The following ZMAT4 variants were observed in gnomAD, a reference collection of about 807,000 sequenced individuals.
The protein encoded by ZMAT4 is zinc finger matrin-type protein 4.
In ZMAT4, 17 loss-of-function variants were observed where a neutral mutation model predicts 28.7. The observed-to-expected ratio is 0.59, with a 90% CI of 0.41 to 0.89. The LOEUF is 0.89. Among genes scored for constraint, ZMAT4 ranks in the 40% least tolerant of loss-of-function variants. The pLI, the probability that ZMAT4 is intolerant of heterozygous loss-of-function variation, is 0.00. For synonymous variants in ZMAT4, 117 were observed against 109.2 expected (o/e 1.07, Z -0.44); for missense variants, 240 against 283.8 (o/e 0.85, Z 1.11).
At chr8:40,755,668 G>A (rs1457769810) in intron 3 of ZMAT4, among the ~76,000 whole-genome samples, 1 of 152,064 alleles carries the variant, frequency 6.6e-6, no homozygotes, top group Non-Finnish European at 1.5e-5. Flanking sequence ...GTCCACTCTG[G>A]TCTCAAACAC....
At chr8:40,603,970 T>G (rs532961351) in intron 5 of ZMAT4, among the ~76,000 whole-genome samples, 29 of 152,306 alleles carry the variant, frequency 1.9e-4, no homozygotes, top group Admixed American at 3.9e-4. Flanking sequence ...TTTAATTAAT[T>G]TTTTTGCAGC....
intron 1 of ZMAT4, among the ~76,000 whole-genome samples, chr8:40,869,714 A>G (rs887413221): frequency 6.6e-6 from 1 of 152,206 alleles, no homozygotes; most frequent in Non-Finnish European, 1.5e-5. Context: ...TCCTCGAACA[A>G]TACCCAGTGT....
intron 5 of ZMAT4, among the ~76,000 whole-genome samples, chr8:40,594,314 A>G (rs1179934025): frequency 1.8e-4 from 28 of 152,244 alleles, no homozygotes; most frequent in Admixed American, 1.8e-3. Context: ...CTCACAAATT[A>G]TAGATAAGAG....
intron 4 of ZMAT4, among the ~76,000 whole-genome samples, chr8:40,678,155 T>C (rs1345818198): frequency 1.3e-5 from 2 of 152,182 alleles, no homozygotes. Context: ...CTTTCTTAGA[T>C]CTTCACATAA....
chr8:40,541,894 A>G (rs971878090), intron 6 of ZMAT4, among the ~76,000 whole-genome samples: 3 of 152,196 alleles, frequency 2.0e-5, no homozygotes, highest in African/African-American at 4.8e-5. Context: ...CATTCTGTGA[A>G]AATCTAGAGT....
chr8:40,647,194 G>A (rs1807364235), intron 5 of ZMAT4, among the ~76,000 whole-genome samples: 1 of 152,212 alleles, frequency 6.6e-6, no homozygotes, highest in Admixed American at 6.5e-5. Context: ...GTGCCAGACA[G>A]TGGGCGCAGG....
intron 6 of ZMAT4, among the ~76,000 whole-genome samples, chr8:40,538,455 C>G (rs1585656695): frequency 1.3e-5 from 2 of 152,306 alleles, no homozygotes; most frequent in South Asian, 4.1e-4. Flanking sequence ...ACACCCCGAC[C>G]ACCTTAAGCA....
rs188127431 is a variant in ZMAT4 at position 40,578,241 on chromosome 8, G to A, written c.674+2924C>T. Among the ~76,000 whole-genome samples, 29 of 152,112 alleles carry A rather than the reference G, an allele frequency of 1.9e-4. 1 individual carries two copies. The highest frequency in any genetic ancestry group is 9.7e-4 in the East Asian group (5 of 5,180). On this transcript the variant is annotated intron_variant, in intron 6 of 6. Transcript: ENST00000297737. ...ACGTACACATGTATGTAAATCACCT[G>A]ATTTACAAAAAATGTCTATGATGGT...
chr8:40,703,594 G>A (rs1402390617), intron 3 of ZMAT4, among the ~76,000 whole-genome samples: 1 of 152,214 alleles, frequency 6.6e-6, no homozygotes, highest in African/African-American at 2.4e-5. Flanking sequence ...GGAGCAGGGA[G>A]GAGGGAGATG....
intron 5 of ZMAT4, among the ~76,000 whole-genome samples, chr8:40,585,388 A>G (rs532742376): frequency 1.2e-4 from 19 of 152,246 alleles, no homozygotes; most frequent in Middle Eastern, 3.4e-3. Context: ...TCCAGTGATC[A>G]TGATAAAATC....
intron 1 of ZMAT4, among the ~76,000 whole-genome samples, chr8:40,871,277 T>A (rs1042480411): frequency 1.3e-5 from 2 of 152,140 alleles, no homozygotes; most frequent in Non-Finnish European, 2.9e-5. Flanking sequence ...ATTCTATGAG[T>A]GCACAATGTC....
At chr8:40,869,382 GT>G (rs1179148776) in intron 1 of ZMAT4, among the ~76,000 whole-genome samples, 2 of 152,054 alleles carry the variant, frequency 1.3e-5, no homozygotes, top group Non-Finnish European at 2.9e-5. Flanking sequence ...TTTTGTTTTT[GT>G]TTTTTGCCCA....
chr8:40,764,624 C>G (rs1283647777), intron 3 of ZMAT4, among the ~76,000 whole-genome samples: 1 of 152,098 alleles, frequency 6.6e-6, no homozygotes, highest in Non-Finnish European at 1.5e-5. Flanking sequence ...GGGATGCAAA[C>G]CTCTCACAGC....
At chr8:40,815,069 G>T (rs1276589871) in intron 2 of ZMAT4, among the ~76,000 whole-genome samples, 1 of 152,136 alleles carries the variant, frequency 6.6e-6, no homozygotes, top group Admixed American at 6.5e-5. Flanking sequence ...GAGGTCAGGA[G>T]TTCAAAACCA....
At position 40,530,808 on chromosome 8, in the gene ZMAT4, G is replaced by A. The variant is rs528026161; in HGVS notation, c.*1415C>T. 1 of 152,746 alleles carries A rather than the reference G, an allele frequency of 6.5e-6. No homozygotes were observed. Among genetic ancestry groups the A allele is most frequent in the African/African-American group, 2.4e-5 (1 of 41,556 alleles). 9.5% of individuals were successfully genotyped at this position (152,746 alleles called of 1,614,324 possible). A position where few individuals can be genotyped will look rare whatever the true frequency, so the allele number is the denominator to read the frequency against. On this transcript the variant is annotated 3_prime_UTR_variant, in exon 7 of 7. Transcript: ENST00000297737. ...GGGGCTTCGTCTCTCTGCAGGCACA[G>A]AAACTGGCAGACCTGGTCCCTCCTG...
At chr8:40,830,299 C>T (rs1166031751) in intron 1 of ZMAT4, among the ~76,000 whole-genome samples, 1 of 152,126 alleles carries the variant, frequency 6.6e-6, no homozygotes, top group Non-Finnish European at 1.5e-5. Flanking sequence ...ATTATACCCA[C>T]TAGGTAATGG....
chr8:40,595,692 T>C (rs1185477214), intron 5 of ZMAT4, among the ~76,000 whole-genome samples: 1 of 152,152 alleles, frequency 6.6e-6, no homozygotes. Context: ...GGTACACTTG[T>C]ATAGGGCACT....
chr8:40,535,566 G>A (rs1802819431), intron 6 of ZMAT4, among the ~76,000 whole-genome samples: 1 of 151,966 alleles, frequency 6.6e-6, no homozygotes, highest in Non-Finnish European at 1.5e-5. Flanking sequence ...CTATTTGGGA[G>A]GCTGAGGCAG....
intron 5 of ZMAT4, among the ~76,000 whole-genome samples, chr8:40,615,776 A>G (rs1428467293): frequency 6.6e-6 from 1 of 152,200 alleles, no homozygotes; most frequent in Non-Finnish European, 1.5e-5. Context: ...TTTCAGCTCC[A>G]TCAGGTCATT....
Sources: gnomAD v4.1 joint callset for allele counts (sites outside exome capture counted in the v4.1 genomes callset) on GRCh38, gnomAD v4.1.1 for gene constraint, MANE v1.5 for transcripts, NCBI Gene and HGNC (gene_info 2026-07-23, HGNC 2026-07-21) for gene names.